The following SINHCAF variants were observed in gnomAD, a reference collection of about 807,000 sequenced individuals.
SINHCAF encodes the protein SIN3-HDAC complex associated factor, also known as SIN3-HDAC complex-associated factor.
Under a neutral mutation model 25.8 loss-of-function variants are expected in SINHCAF, and 3 were observed. The observed-to-expected ratio is 0.12, with a 90% CI of 0.05 to 0.30. The LOEUF is 0.30. Among genes scored for constraint, SINHCAF ranks in the 10% least tolerant of loss-of-function variants. The probability of loss-of-function intolerance (pLI) is 1.00; values close to 1 mark genes in which losing one functional copy is unlikely to be tolerated. For synonymous variants in SINHCAF, 70 were observed against 85.5 expected, an observed-to-expected ratio of 0.82 and a Z score of 1.00; for missense variants, 121 against 262.3, an observed-to-expected ratio of 0.46 and a Z score of 3.72.
intron 2 of SINHCAF, 33 bp downstream of exon 2, chr12:31,298,044 T>C (rs1938617753): frequency 5.6e-6 from 9 of 1,605,936 alleles, no homozygotes; most frequent in Non-Finnish European, 7.7e-6. Flanking sequence ...ATTTTTTCAC[T>C]CTAAGAATAG....
intron 1 of SINHCAF, among the ~76,000 whole-genome samples, chr12:31,322,850 C>G (rs901388350): frequency 6.6e-6 from 1 of 152,136 alleles, no homozygotes; most frequent in African/African-American, 2.4e-5. Context: ...TATCGGATGT[C>G]TAGACTACAG....
chr12:31,324,208 C>A lies in SINHCAF; in HGVS notation c.-21+1816G>T, dbSNP rs1479575192. 1 of 205,854 alleles carries A rather than the reference C, an allele frequency of 4.9e-6. No individual in the cohort carries two copies. The highest frequency in any genetic ancestry group is 9.4e-6 in the Non-Finnish European group (1 of 106,186). The allele number at this position is 205,854 out of a possible 1,614,324, so 12.8% of individuals were successfully genotyped here. A position where few individuals can be genotyped will look rare whatever the true frequency, so the allele number is the denominator to read the frequency against. Reference sequence around the variant, plus strand: ...CCGGCGCCTCCCGCAGGCCGCGCCTCCCGCACGCCGCGCTGCCGGGGCTTG... The same window carrying A: ...CCGGCGCCTCCCGCAGGCCGCGCCTACCGCACGCCGCGCTGCCGGGGCTTG... On this transcript the variant is annotated intron_variant, in intron 1 of 5. Transcript: ENST00000337682. The surrounding 1 kb of genome is among the most constrained non-coding windows in gnomAD (Gnocchi z 5.5).
chr12:31,299,634 A>G (rs1043680415), intron 1 of SINHCAF, among the ~76,000 whole-genome samples: 7 of 152,040 alleles, frequency 4.6e-5, no homozygotes, highest in Non-Finnish European at 5.9e-5. Context: ...TATTAATATC[A>G]CTTTCGTGTC....
intron 3 of SINHCAF, 38 bp downstream of exon 3, chr12:31,295,196 G>A (rs772184747): frequency 3.3e-6 from 4 of 1,196,502 alleles, no homozygotes; most frequent in Middle Eastern, 2.4e-4. Flanking sequence ...TTTAAATACA[G>A]TAGAGGTATA....
In SINHCAF at chr12:31,325,848, G is replaced by A. The variant is rs1305751882; in HGVS notation, c.-21+176C>T. The A allele has an allele frequency of 6.6e-6, 1 of 152,294 alleles. No individual in the cohort carries two copies. Among genetic ancestry groups the A allele is most frequent in the Non-Finnish European group, 1.5e-5 (1 of 68,154 alleles). 9.4% of individuals were successfully genotyped at this position (152,294 alleles called of 1,614,324 possible). ...AACACGAGCGTACCAAAGAACCTGG[G>A]GTCTGAAGATCACGAAAACAGCGCT... On this transcript the variant is annotated intron_variant, in intron 1 of 5. Coordinates refer to ENST00000337682, the MANE Select transcript of SINHCAF (RefSeq NM_001135812.2). This position sits in a 1 kb window ranked among gnomAD's most constrained non-coding sequence, Gnocchi z 5.9.
chr12:31,309,305 G>C (rs1939165078), intron 1 of SINHCAF, among the ~76,000 whole-genome samples: 2 of 152,150 alleles, frequency 1.3e-5, no homozygotes, highest in South Asian at 4.2e-4. Context: ...GAAAATGGGG[G>C]TGTTGCAGGG....
Position 31,295,350 on chromosome 12 carries a change from C to CA in SINHCAF, c.129-18dup, listed in dbSNP as rs759916144. The CA allele has an allele frequency of 6.5e-7, 1 of 1,535,072 alleles. No individual in the cohort carries two copies. Among genetic ancestry groups the CA allele is most frequent in the South Asian group, 1.1e-5 (1 of 87,732 alleles). The stretch of plus-strand genomic sequence containing the variant: ...TCATGCAATCTGATAAGAAAACAAT[C>CA]AAACCTTTATCAGTCTCCCTTACCT... On this transcript the variant is annotated splice_polypyrimidine_tract_variant and intron_variant, in intron 2 of 5. Transcript: ENST00000337682.
At chr12:31,297,987 A>T in intron 2 of SINHCAF, 90 bp downstream of exon 2, 2 of 1,241,624 alleles carry the variant, frequency 1.6e-6, no homozygotes, top group Non-Finnish European at 2.3e-6. Context: ...TATTATTAGC[A>T]CATTGTTCCA....
In SINHCAF at chr12:31,322,093, A is replaced by T. The variant is rs535402412; in HGVS notation, c.-21+3931T>A. 5.9e-5 allele frequency among the ~76,000 whole-genome samples: 9 copies of T among 152,328 alleles called. No homozygotes were observed. In the South Asian group the frequency reaches 1.9e-3, roughly 32 times the overall value. On this transcript the variant is annotated intron_variant, in intron 1 of 5. Transcript: ENST00000337682. ...GGCCTGCTGTCCACCAGTGATCTAG[A>T]ATATTCTACCAATTGAACTTCGTAT...
intron 4 of SINHCAF, 66 bp from the exon 5 acceptor site, chr12:31,287,850 T>A: frequency 8.2e-7 from 1 of 1,217,090 alleles, no homozygotes; most frequent in Non-Finnish European, 1.2e-6. Context: ...CAACTAAACC[T>A]CAGCATAAGA....
At chr12:31,300,082 C>T (rs1211865412) in intron 1 of SINHCAF, among the ~76,000 whole-genome samples, 1 of 152,128 alleles carries the variant, frequency 6.6e-6, no homozygotes, top group Admixed American at 6.5e-5. Flanking sequence ...TGGATTATCT[C>T]GTCTGATCCC....
intron 1 of SINHCAF, chr12:31,312,089 T>A: frequency 2.1e-6 from 1 of 486,496 alleles, no homozygotes; most frequent in African/African-American, 2.0e-5. Context: ...TGTTCCCTGG[T>A]CCCAATGGTA....
rs77672257 is a variant in SINHCAF at position 31,323,618 on chromosome 12, G to A, written c.-21+2406C>T. The stretch of plus-strand genomic sequence containing the variant: ...AAACTGACTAGGGTCATAGTTACCA[G>A]AACAAACTGCACCGCCCTACCACCT... On this transcript the variant is annotated intron_variant, in intron 1 of 5. Coordinates refer to ENST00000337682, the MANE Select transcript of SINHCAF (RefSeq NM_001135812.2). Among the ~76,000 whole-genome samples, 123 of 152,204 alleles carry A rather than the reference G, an allele frequency of 8.1e-4. 1 individual carries two copies. The East Asian group carries it at 0.023, about 29-fold the overall frequency.
chr12:31,321,249 T>C lies in SINHCAF; in HGVS notation c.-21+4775A>G, dbSNP rs1450304007. Among the ~76,000 whole-genome samples, 12 of 152,272 alleles carry C rather than the reference T, an allele frequency of 7.9e-5. No individual in the cohort carries two copies. In the East Asian group the frequency reaches 1.9e-3, roughly 24 times the overall value. ...AAGTGTGGGAAATACAAGACAATCTTGTGGACAAGAGAAATCAGGAAGAAA... is the reference window on the plus strand; with the variant it reads ...AAGTGTGGGAAATACAAGACAATCTCGTGGACAAGAGAAATCAGGAAGAAA... On this transcript the variant is annotated intron_variant, in intron 1 of 5. Coordinates refer to ENST00000337682, the MANE Select transcript of SINHCAF (RefSeq NM_001135812.2).
intron 1 of SINHCAF, among the ~76,000 whole-genome samples, chr12:31,318,609 T>G (rs1291667473): frequency 6.6e-6 from 1 of 150,858 alleles, no homozygotes; most frequent in Non-Finnish European, 1.5e-5. Context: ...CTCTGGGCTT[T>G]AGATAGTGTA....
Position 31,324,761 on chromosome 12 carries a change from G to A in SINHCAF, c.-21+1263C>T, listed in dbSNP as rs1397267308. ...CACCCTGGGTAGGGGTCCGGACCCC[G>A]CGCCCCGAAGAGTCCGGAGCCTGGC... On this transcript the variant is annotated intron_variant, in intron 1 of 5. Coordinates refer to ENST00000337682, the MANE Select transcript of SINHCAF (RefSeq NM_001135812.2). The surrounding 1 kb of genome is among the most constrained non-coding windows in gnomAD (Gnocchi z 5.5). 5.7e-6 allele frequency: 2 copies of A among 353,506 alleles called. No individual in the cohort carries two copies. Among genetic ancestry groups the A allele is most frequent in the East Asian group, 7.5e-5 (1 of 13,268 alleles). The allele number at this position is 353,506 out of a possible 1,614,324, so 21.9% of individuals were successfully genotyped here.
chr12:31,290,997 G>A (rs1464566011), intron 4 of SINHCAF, among the ~76,000 whole-genome samples: 1 of 152,188 alleles, frequency 6.6e-6, no homozygotes, highest in East Asian at 1.9e-4. Flanking sequence ...GGGATTAGAG[G>A]TGTAAGCCTC....
At chr12:31,294,702 G>A (rs546983308) in intron 3 of SINHCAF, among the ~76,000 whole-genome samples, 7 of 152,244 alleles carry the variant, frequency 4.6e-5, no homozygotes, top group African/African-American at 1.4e-4. Context: ...GACAATGTAA[G>A]GCTAGTGTGA....
chr12:31,295,226 G>A lies in SINHCAF; in HGVS notation c.228+8C>T, dbSNP rs1481736404. On this transcript the variant is annotated splice_region_variant and intron_variant, in intron 3 of 5. Transcript: ENST00000337682. ...GGTATAATTGAGAAAAAAGAAAGAT[G>A]GACTAACATGATTCCAGTTTTTTTT... 6 of 1,562,998 alleles carry A rather than the reference G, an allele frequency of 3.8e-6. No individual in the cohort carries two copies. Among genetic ancestry groups the A allele is most frequent in the Non-Finnish European group, 5.3e-6 (6 of 1,141,454 alleles).
Sources: gnomAD v4.1 joint callset for allele counts (sites outside exome capture counted in the v4.1 genomes callset) on GRCh38, gnomAD v4.1.1 for gene constraint, Gnocchi (gnomAD v3.1) non-coding constraint, MANE v1.5 for transcripts, NCBI Gene and HGNC (gene_info 2026-07-23, HGNC 2026-07-21) for gene names.